The following KPNA6 variants were observed in gnomAD, a reference collection of about 807,000 sequenced individuals.
KPNA6 encodes the protein karyopherin subunit alpha 6, also known as importin subunit alpha-7.
KPNA6 carries 9 observed loss-of-function variants against 72.0 expected under a neutral mutation model. The observed-to-expected ratio is 0.13, with a 90% CI of 0.08 to 0.22. The LOEUF (loss-of-function observed/expected upper bound fraction) is 0.22, where lower values mean the gene tolerates loss of function less well. Ranked by LOEUF, KPNA6 falls within the 10% of genes least tolerant of loss-of-function variation. The pLI, the probability that KPNA6 is intolerant of heterozygous loss-of-function variation, is 1.00. For synonymous variants in KPNA6, 219 were observed against 242.1 expected (o/e 0.90, Z 0.89); for missense variants, 374 against 655.7 (o/e 0.57, Z 4.69).
At chr1:32,114,441 C>CA (rs1251610614) in intron 1 of KPNA6, among the ~76,000 whole-genome samples, 6,002 of 135,148 alleles carry the variant, frequency 0.044, 392 homozygotes, top group African/African-American at 0.15. Context: ...AACTCTGTCT[C>CA]AAAAAAAAAA....
At chr1:32,136,620 G>T (rs941839995) in intron 1 of KPNA6, among the ~76,000 whole-genome samples, 2 of 152,140 alleles carry the variant, frequency 1.3e-5, no homozygotes, top group African/African-American at 4.8e-5. Context: ...ATTATCACTG[G>T]TAGTACTCAG....
At chr1:32,153,099 G>A (rs1642066313) in intron 1 of KPNA6, among the ~76,000 whole-genome samples, 1 of 151,372 alleles carries the variant, frequency 6.6e-6, no homozygotes, top group Admixed American at 6.6e-5. Flanking sequence ...ATGTAGAAAG[G>A]GGATAGAAAT....
intron 10 of KPNA6, 72 bp from the exon 11 acceptor site, chr1:32,166,029 ACAAC>A: frequency 2.0e-6 from 3 of 1,488,666 alleles, no homozygotes; most frequent in East Asian, 2.4e-5. Flanking sequence ...AACAACAACA[ACAAC>A]AACAAAAAAA....
intron 1 of KPNA6, among the ~76,000 whole-genome samples, chr1:32,136,272 G>C (rs996060567): frequency 2.0e-5 from 3 of 150,478 alleles, no homozygotes; most frequent in Non-Finnish European, 4.4e-5. Flanking sequence ...CTGGGTTCAA[G>C]TGATTCTCCT....
chr1:32,170,099 CTG>C (rs779756338), intron 13 of KPNA6, 39 bp downstream of exon 13: 6 of 1,572,648 alleles, frequency 3.8e-6, no homozygotes, highest in Non-Finnish European at 5.2e-6. Context: ...GAACCTGAGA[CTG>C]TAGGCCTCCA....
chr1:32,139,193 A>G (rs1269164342), intron 1 of KPNA6, among the ~76,000 whole-genome samples: 1 of 152,096 alleles, frequency 6.6e-6, no homozygotes, highest in Non-Finnish European at 1.5e-5. Flanking sequence ...CGGGGATACA[A>G]CAACTCTGCC....
intron 1 of KPNA6, among the ~76,000 whole-genome samples, chr1:32,122,036 G>A (rs1641442257): frequency 6.6e-6 from 1 of 151,768 alleles, no homozygotes; most frequent in South Asian, 2.1e-4. Context: ...CAGTTTGGGA[G>A]GCCGAGGCAG....
chr1:32,125,328 A>G (rs991769249), intron 1 of KPNA6, among the ~76,000 whole-genome samples: 1 of 152,256 alleles, frequency 6.6e-6, no homozygotes, highest in African/African-American at 2.4e-5. Context: ...AACAATTAAA[A>G]ATTATTTAGT....
intron 1 of KPNA6, among the ~76,000 whole-genome samples, chr1:32,115,075 A>C (rs1230361349): frequency 6.6e-6 from 1 of 151,510 alleles, no homozygotes; most frequent in Non-Finnish European, 1.5e-5. Flanking sequence ...CCTGACCTCA[A>C]GTGATCCGCC....
chr1:32,133,319 C>T (rs1272353852), intron 1 of KPNA6, among the ~76,000 whole-genome samples: 1 of 150,996 alleles, frequency 6.6e-6, no homozygotes, highest in African/African-American at 2.4e-5. Flanking sequence ...ACTGCAGCCT[C>T]GGTGACAGAG....
intron 1 of KPNA6, among the ~76,000 whole-genome samples, chr1:32,123,440 G>T (rs1641473805): frequency 6.6e-6 from 1 of 151,978 alleles, no homozygotes; most frequent in Admixed American, 6.6e-5. Flanking sequence ...TCAATGCATG[G>T]TTAAGAAAGA....
intron 5 of KPNA6, 131 bp downstream of exon 5, chr1:32,158,492 A>T (rs1642183795): frequency 1.7e-6 from 1 of 579,272 alleles, no homozygotes; most frequent in Admixed American, 3.2e-5. Flanking sequence ...AATCATGGAG[A>T]ATGGGGTATC....
intron 1 of KPNA6, among the ~76,000 whole-genome samples, chr1:32,110,839 G>A (rs1393786048): frequency 6.6e-6 from 1 of 152,206 alleles, no homozygotes; most frequent in Non-Finnish European, 1.5e-5. Context: ...GGAGGTTGCA[G>A]TGAGCCGAGA....
intron 2 of KPNA6, among the ~76,000 whole-genome samples, chr1:32,155,110 CAAAAA>C (rs144040035): frequency 5.5e-5 from 3 of 54,234 alleles, no homozygotes; most frequent in East Asian, 5.9e-4. Flanking sequence ...AACTCCATCT[CAAAAA>C]AAAAAAAAAA....
At chr1:32,157,632 T>TC (rs1323913799) in intron 4 of KPNA6, among the ~76,000 whole-genome samples, 187 bp downstream of exon 4, 1 of 152,154 alleles carries the variant, frequency 6.6e-6, no homozygotes, top group Non-Finnish European at 1.5e-5. Context: ...TGTCCTCTAT[T>TC]CCCAGATATC....
chr1:32,113,443 T>G (rs183112685), intron 1 of KPNA6, among the ~76,000 whole-genome samples: 97 of 152,198 alleles, frequency 6.4e-4, no homozygotes, highest in African/African-American at 2.3e-3. Context: ...TGTATGTATG[T>G]ATGTATATAT....
At chr1:32,117,960 G>A (rs1641357070) in intron 1 of KPNA6, among the ~76,000 whole-genome samples, 1 of 151,532 alleles carries the variant, frequency 6.6e-6, no homozygotes, top group South Asian at 2.1e-4. Context: ...TTTCGCTCTT[G>A]TTGCCCAGGC....
rs752663765 is a variant in KPNA6 at position 32,157,393 on chromosome 1, T to G, written c.279T>G (p.Asp93Glu). Residue 93 changes from aspartate (D) to glutamate (E), a missense_variant, in exon 4 of 14, where the codon GAT becomes GAG. Around this residue, in one of 3 missense-constraint regions of KPNA6, gnomAD observed 298 missense variants for 495.4 expected, o/e 0.60. Coordinates refer to ENST00000373625, the MANE Select transcript of KPNA6 (RefSeq NM_012316.5). ...REMVEMLFSD[D>E]SDLQLATTQK... ...TGGTGGAGATGCTCTTTTCTGATGA[T>G]TCTGACCTGCAGTTAGCAACCACAC... 1.2e-6 allele frequency: 2 copies of G among 1,614,086 alleles called. No homozygotes were observed. The highest frequency in any genetic ancestry group is 1.7e-6 in the Non-Finnish European group (2 of 1,179,956).
Position 32,173,895 on chromosome 1 carries a change from G to A in KPNA6, c.*3001G>A, listed in dbSNP as rs1334252869. On this transcript the variant is annotated 3_prime_UTR_variant, in exon 14 of 14. Coordinates refer to ENST00000373625, the MANE Select transcript of KPNA6 (RefSeq NM_012316.5). ...TTAAGATCTCTGGTTGGGGGTATCT[G>A]GATATGGATTAGGAGGGACAAGGAG... The A allele has an allele frequency of 2.0e-5, 3 of 152,250 alleles. No individual in the cohort carries two copies. In the East Asian group the frequency reaches 5.8e-4, roughly 29 times the overall value. The allele number at this position is 152,250 out of a possible 1,614,324, so 9.4% of individuals were successfully genotyped here. A position where few individuals can be genotyped will look rare whatever the true frequency, so the allele number is the denominator to read the frequency against.
Sources: allele counts gnomAD v4.1 joint callset (sites outside exome capture counted in the v4.1 genomes callset), GRCh38; gene constraint gnomAD v4.1.1; regional missense constraint gnomAD v4.1.1; transcripts MANE v1.5; gene names NCBI Gene and HGNC (gene_info 2026-07-23, HGNC 2026-07-21).